Variants in TBCE observed in about 807,000 individuals in gnomAD.
TBCE encodes tubulin-specific chaperone E.
A neutral mutation model predicts 77.0 loss-of-function variants in TBCE; 53 were observed. The ratio of observed to expected loss-of-function variants is 0.69; its 90% CI spans 0.55 to 0.87. The LOEUF (loss-of-function observed/expected upper bound fraction) is 0.87. Ranked by LOEUF, TBCE falls within the 40% of genes least tolerant of loss-of-function variation. The probability of loss-of-function intolerance (pLI) is 0.00; values close to 1 mark genes in which losing one functional copy is unlikely to be tolerated. For missense variants in TBCE, 624 were observed against 622.4 expected, an observed-to-expected ratio of 1.00 and a Z score of -0.03; for synonymous variants, 235 against 241.3, an observed-to-expected ratio of 0.97 and a Z score of 0.24.
intron 2 of TBCE, among the ~76,000 whole-genome samples, chr1:235,386,818 C>G (rs946272921): frequency 3.3e-5 from 5 of 152,174 alleles, no homozygotes; most frequent in African/African-American, 1.2e-4. Flanking sequence ...CATTCTCTGT[C>G]CAGCTTTGTT....
chr1:235,376,343 A>G (rs1299139515), intron 1 of TBCE, among the ~76,000 whole-genome samples: 2 of 152,088 alleles, frequency 1.3e-5, no homozygotes, highest in Non-Finnish European at 2.9e-5. Flanking sequence ...TCACCAAGCC[A>G]TTCTCACTGT....
At chr1:235,429,980 A>G (rs578216481) in intron 6 of TBCE, 1 of 152,502 alleles carries the variant, frequency 6.6e-6, no homozygotes, top group South Asian at 2.1e-4. Flanking sequence ...GGCCTCCCAA[A>G]GTGCTGGGAT....
chr1:235,389,094 A>C (rs1422521756), intron 2 of TBCE, among the ~76,000 whole-genome samples: 2 of 152,224 alleles, frequency 1.3e-5, no homozygotes, highest in African/African-American at 4.8e-5. Flanking sequence ...AGCTATTGGG[A>C]GATAAGTCCC....
At chr1:235,435,980 A>G in intron 9 of TBCE, 140 bp downstream of exon 9, 6 of 809,380 alleles carry the variant, frequency 7.4e-6, no homozygotes, top group South Asian at 3.2e-5. Context: ...CCTTTGGGAA[A>G]TTTTCATTTG....
intron 4 of TBCE, among the ~76,000 whole-genome samples, chr1:235,416,399 G>T (rs1307605865): frequency 6.6e-6 from 1 of 151,858 alleles, no homozygotes; most frequent in Admixed American, 6.6e-5. Context: ...AGTGGTGCGT[G>T]CCTATAGTCC....
intron 2 of TBCE, among the ~76,000 whole-genome samples, chr1:235,381,265 A>G (rs1350870551): frequency 6.6e-6 from 1 of 152,192 alleles, no homozygotes; most frequent in Non-Finnish European, 1.5e-5. Context: ...GGGTTAGCCT[A>G]AATTGAAGAA....
chr1:235,438,959 A>C, intron 13 of TBCE, 37 bp downstream of exon 13: 1 of 1,613,986 alleles, frequency 6.2e-7, no homozygotes, highest in South Asian at 1.1e-5. Flanking sequence ...CAGGTGGTGG[A>C]TTTCCAGCTG....
intron 13 of TBCE, among the ~76,000 whole-genome samples, chr1:235,440,181 A>G (rs373770017): frequency 5.9e-5 from 9 of 152,226 alleles, no homozygotes; most frequent in Admixed American, 2.0e-4. Flanking sequence ...CGTGTTAGCC[A>G]GGATGGTCTC....
chr1:235,372,447 G>A (rs1304840056), intron 1 of TBCE, among the ~76,000 whole-genome samples: 1 of 152,146 alleles, frequency 6.6e-6, no homozygotes, highest in African/African-American at 2.4e-5. Flanking sequence ...AATCAAAGCT[G>A]TTTTTAGCTG....
chr1:235,435,305 T>C (rs1681373373), intron 8 of TBCE, among the ~76,000 whole-genome samples: 1 of 152,214 alleles, frequency 6.6e-6, no homozygotes, highest in African/African-American at 2.4e-5. Flanking sequence ...TTCACCATGT[T>C]GGCCCGGCTG....
intron 1 of TBCE, among the ~76,000 whole-genome samples, chr1:235,371,563 A>G (rs977094245): frequency 6.6e-6 from 1 of 151,338 alleles, no homozygotes; most frequent in Non-Finnish European, 1.5e-5. Flanking sequence ...TTTATTAGAG[A>G]TGGGGTTTCA....
chr1:235,375,537 A>G (rs920213397), intron 1 of TBCE, among the ~76,000 whole-genome samples: 1 of 152,094 alleles, frequency 6.6e-6, no homozygotes, highest in Non-Finnish European at 1.5e-5. Context: ...ACAGGCAATA[A>G]GGGTGCAGAG....
chr1:235,392,820 A>G (rs937651751), intron 2 of TBCE, among the ~76,000 whole-genome samples: 1 of 152,028 alleles, frequency 6.6e-6, no homozygotes, highest in Non-Finnish European at 1.5e-5. Context: ...AGATTTTAAG[A>G]TGGGGTAGTC....
intron 3 of TBCE, among the ~76,000 whole-genome samples, chr1:235,411,699 G>T (rs565495195): frequency 6.6e-6 from 1 of 152,274 alleles, no homozygotes; most frequent in South Asian, 2.1e-4. Context: ...AATCACTGAT[G>T]TGTGTGTATA....
rs1682764466 is a variant in TBCE at position 235,449,545 on chromosome 1, T to C, written c.*783T>C. Reference sequence around the variant, plus strand: ...TGTGACCTTCAGGATTTATGTTAGATGGCAGAAAGAAAATTTGGGTATTAG... The same window carrying C: ...TGTGACCTTCAGGATTTATGTTAGACGGCAGAAAGAAAATTTGGGTATTAG... On this transcript the variant is annotated 3_prime_UTR_variant, in exon 17 of 17. Coordinates refer to ENST00000642610, the MANE Select transcript of TBCE (RefSeq NM_003193.5). 2 of 152,464 alleles carry C rather than the reference T, an allele frequency of 1.3e-5. No homozygotes were observed. Among genetic ancestry groups the C allele is most frequent in the Admixed American group, 6.5e-5 (1 of 15,298 alleles). The allele number at this position is 152,464 out of a possible 1,614,324, so 9.4% of individuals were successfully genotyped here.
chr1:235,428,948 T>C (rs1464017659), intron 6 of TBCE, among the ~76,000 whole-genome samples: 1 of 147,688 alleles, frequency 6.8e-6, no homozygotes, highest in Non-Finnish European at 1.5e-5. Context: ...GCCTTATGTA[T>C]GTATGTATAT....
intron 1 of TBCE, among the ~76,000 whole-genome samples, chr1:235,377,201 G>C (rs1437306714): frequency 6.6e-6 from 1 of 152,146 alleles, no homozygotes; most frequent in Non-Finnish European, 1.5e-5. Context: ...TTTTTTGTGA[G>C]ATGGAATTTT....
intron 6 of TBCE, 70 bp from the exon 7 acceptor site, chr1:235,430,635 C>G (rs1681032347): frequency 9.1e-7 from 1 of 1,101,524 alleles, no homozygotes; most frequent in South Asian, 1.4e-5. Context: ...CAGATTGTTG[C>G]TTTCAACAAC....
intron 5 of TBCE, among the ~76,000 whole-genome samples, 186 bp from the exon 6 acceptor site, chr1:235,426,954 A>T (rs1680752163): frequency 6.6e-6 from 1 of 152,164 alleles, no homozygotes; most frequent in Admixed American, 6.5e-5. Flanking sequence ...CCTCACAATG[A>T]ACTTTTTCGT....
Sources: gnomAD v4.1 joint callset for allele counts (sites outside exome capture counted in the v4.1 genomes callset) on GRCh38, gnomAD v4.1.1 for gene constraint, MANE v1.5 for transcripts, NCBI Gene and HGNC (gene_info 2026-07-23, HGNC 2026-07-21) for gene names.